Variants in ATP2B4 observed in about 807,000 individuals in gnomAD.
ATP2B4 encodes ATPase plasma membrane Ca2+ transporting 4.
A neutral mutation model predicts 110.3 loss-of-function variants in ATP2B4; 39 were observed. The ratio of observed to expected loss-of-function variants is 0.35; its 90% CI spans 0.27 to 0.46. The LOEUF (loss-of-function observed/expected upper bound fraction) is 0.46. Ranked by LOEUF, ATP2B4 falls within the 20% of genes least tolerant of loss-of-function variation. The pLI is 1.00. For missense variants in ATP2B4, 1,135 were observed against 1,530.9 expected, an observed-to-expected ratio of 0.74 and a Z score of 4.32; for synonymous variants, 538 against 571.7, an observed-to-expected ratio of 0.94 and a Z score of 0.84.
Position 203,739,566 on chromosome 1 carries a change from C to A in ATP2B4, c.3330C>A (p.Phe1110Leu). 1 of 1,613,974 alleles carries A rather than the reference C, an allele frequency of 6.2e-7. No individual in the cohort carries two copies. Among genetic ancestry groups the A allele is most frequent in the South Asian group, 1.1e-5 (1 of 91,054 alleles). ...IQTQIKVVKA[F>L]HSSLHESIQK... is the part of the protein sequence containing the mutation. ...TATAGATCAAAGTGGTCAAAGCGTT[C>A]CATAGTTCCCTCCACGAAAGCATTC... The change falls in exon 21 of 21, where the codon TTC becomes TTA. Residue 1110 changes from phenylalanine (F) to leucine (L), a missense_variant. Coordinates refer to ENST00000357681, the MANE Select transcript of ATP2B4 (RefSeq NM_001684.5).
intron 1 of ATP2B4, among the ~76,000 whole-genome samples, chr1:203,679,130 G>A (rs140057854): frequency 1.2e-3 from 178 of 151,986 alleles, no homozygotes; most frequent in Admixed American, 2.8e-3. Flanking sequence ...GCCCCAAGCC[G>A]AATGACTAAC....
At chr1:203,660,494 A>C (rs1447753886) in intron 1 of ATP2B4, among the ~76,000 whole-genome samples, 1 of 150,914 alleles carries the variant, frequency 6.6e-6, no homozygotes, top group African/African-American at 2.4e-5. Context: ...CAGTAAGAAG[A>C]GAACGGAGGT....
chr1:203,708,896 C>T (rs1665924416), intron 10 of ATP2B4, among the ~76,000 whole-genome samples: 1 of 152,060 alleles, frequency 6.6e-6, no homozygotes, highest in African/African-American at 2.4e-5. Context: ...GTGGCTCATG[C>T]CTGTAATCCC....
chr1:203,690,467 G>A (rs1261422527), intron 2 of ATP2B4, among the ~76,000 whole-genome samples: 1 of 152,166 alleles, frequency 6.6e-6, no homozygotes, highest in African/African-American at 2.4e-5. Context: ...CCCCCGCTTA[G>A]AGACCGCTGC....
rs1664348029 is a variant in ATP2B4, at chr1:203,661,878, C to T, written c.-464-20864C>T. 5.3e-5 allele frequency among the ~76,000 whole-genome samples: 8 copies of T among 152,150 alleles called. No homozygotes were observed. In the South Asian group the frequency reaches 1.7e-3, roughly 32 times the overall value. On this transcript the variant is annotated intron_variant, in intron 1 of 20. Transcript: ENST00000357681. ...ACTCTCGGTGACAGCAGCTGCTGGT[C>T]CACATCTGGAATTTAGCTCTGCTCT...
chr1:203,715,047 C>T (rs1666121250), intron 15 of ATP2B4, among the ~76,000 whole-genome samples: 1 of 152,098 alleles, frequency 6.6e-6, no homozygotes, highest in South Asian at 2.1e-4. Context: ...GATTCCCCCC[C>T]ATTTACATCC....
intron 1 of ATP2B4, among the ~76,000 whole-genome samples, chr1:203,671,640 C>T (rs1234498131): frequency 3.3e-5 from 5 of 152,236 alleles, no homozygotes; most frequent in Non-Finnish European, 2.9e-5. Flanking sequence ...GTGCCCGAGA[C>T]ATATGTGTCT....
intron 1 of ATP2B4, among the ~76,000 whole-genome samples, chr1:203,670,729 T>C (rs1173729777): frequency 1.3e-5 from 2 of 152,218 alleles, no homozygotes; most frequent in African/African-American, 4.8e-5. Flanking sequence ...AAGACTGATT[T>C]TTATCCCAAG....
Position 203,704,467 on chromosome 1 carries a change from C to CTTTTT in ATP2B4, c.1099+681_1099+685dup, listed in dbSNP as rs35019828. 3.4e-3 allele frequency among the ~76,000 whole-genome samples: 231 copies of CTTTTT among 68,794 alleles called. 40 individuals are homozygous for CTTTTT. Among genetic ancestry groups the CTTTTT allele is most frequent in the African/African-American group, 9.6e-3 (140 of 14,532 alleles). The allele number at this position is 68,794 out of a possible 152,430, so 45.1% of individuals were successfully genotyped here. A position where few individuals can be genotyped will look rare whatever the true frequency, so the allele number is the denominator to read the frequency against. On this transcript the variant is annotated intron_variant, in intron 8 of 20. Transcript: ENST00000357681. ...GTGGACATATCTCTCAAGGAACAGT[C>CTTTTT]TTTTTTTTTTTTTTTTTTTTTTTTT...
chr1:203,695,087 T>C lies in ATP2B4; in HGVS notation c.194-3070T>C, dbSNP rs1419497764. Among the ~76,000 whole-genome samples the C allele has an allele frequency of 2.0e-5, 3 of 152,188 alleles. No homozygotes were observed. The South Asian group carries it at 6.2e-4, about 32-fold the overall frequency. ...TTGGGGTGCACCTTATGATCTTTAATATCTGATGTCTTGGTTTGCCCTCAT... is the reference window on the plus strand; with the variant it reads ...TTGGGGTGCACCTTATGATCTTTAACATCTGATGTCTTGGTTTGCCCTCAT... On this transcript the variant is annotated intron_variant, in intron 2 of 20. Coordinates refer to ENST00000357681, the MANE Select transcript of ATP2B4 (RefSeq NM_001684.5).
chr1:203,733,475 A>G (rs1468035652), intron 20 of ATP2B4: 5 of 1,354,522 alleles, frequency 3.7e-6, no homozygotes, highest in East Asian at 2.6e-5. Flanking sequence ...ACTTTAACCA[A>G]CCATGGTTAT....
chr1:203,657,717 C>A, intron 1 of ATP2B4: 1 of 749,020 alleles, frequency 1.3e-6, no homozygotes, highest in Admixed American at 1.9e-5. Flanking sequence ...CAAACGGTAT[C>A]CATAGTGTTT....
At chr1:203,647,843 GAGCC>G (rs999229655) in intron 1 of ATP2B4, among the ~76,000 whole-genome samples, 58 of 152,282 alleles carry the variant, frequency 3.8e-4, no homozygotes, top group African/African-American at 1.3e-3. Context: ...TGACCACCTG[GAGCC>G]AGCCTAGGTG....
chr1:203,701,835 C>T lies in ATP2B4; in HGVS notation c.902-209C>T, dbSNP rs138733394. 8.7e-3 allele frequency among the ~76,000 whole-genome samples: 1,317 copies of T among 152,252 alleles called. 13 individuals are homozygous for T. Among genetic ancestry groups the T allele is most frequent in the Non-Finnish European group, 0.013 (896 of 68,024 alleles). On this transcript the variant is annotated intron_variant, in intron 6 of 20. Coordinates refer to ENST00000357681, the MANE Select transcript of ATP2B4 (RefSeq NM_001684.5). The stretch of plus-strand genomic sequence containing the variant: ...ATGAGTATGCACTCACCTACATGAG[C>T]GTTTTGGTGGATATCCCGAGGATTC...
intron 1 of ATP2B4, among the ~76,000 whole-genome samples, chr1:203,667,910 C>G (rs1664554836): frequency 6.6e-6 from 1 of 152,218 alleles, no homozygotes; most frequent in Non-Finnish European, 1.5e-5. Context: ...TGATGAAGAT[C>G]TTGCTAATTT....
Position 203,742,773 on chromosome 1 carries a change from G to T in ATP2B4, c.*2919G>T, listed in dbSNP as rs1370655494. 2 of 152,148 alleles carry T rather than the reference G, an allele frequency of 1.3e-5. No homozygotes were observed. Among genetic ancestry groups the T allele is most frequent in the African/African-American group, 4.8e-5 (2 of 41,412 alleles). The allele number at this position is 152,148 out of a possible 1,614,324, so 9.4% of individuals were successfully genotyped here. A position where few individuals can be genotyped will look rare whatever the true frequency, so the allele number is the denominator to read the frequency against. ...GTATAAAAGACACGAATATCTCCTG[G>T]TCTATAAGGATACTCTGATTTGGGG... On this transcript the variant is annotated 3_prime_UTR_variant, in exon 21 of 21. Transcript: ENST00000357681.
At chr1:203,632,348 A>T (rs1473678370) in intron 1 of ATP2B4, among the ~76,000 whole-genome samples, 2 of 142,624 alleles carry the variant, frequency 1.4e-5, no homozygotes, top group Non-Finnish European at 3.1e-5. Flanking sequence ...GAAGTAAGAA[A>T]TTTTTTTTTT....
intron 15 of ATP2B4, among the ~76,000 whole-genome samples, chr1:203,719,698 G>A (rs1361592835): frequency 6.8e-6 from 1 of 146,856 alleles, no homozygotes; most frequent in Admixed American, 6.7e-5. Context: ...CTGGGCAACA[G>A]AGGGAGACTC....
intron 1 of ATP2B4, among the ~76,000 whole-genome samples, chr1:203,666,282 C>T (rs1337186867): frequency 6.7e-6 from 1 of 150,182 alleles, no homozygotes; most frequent in Non-Finnish European, 1.5e-5. Flanking sequence ...CAGCTGACAG[C>T]TCCTGCTGGG....
Sources: gnomAD v4.1 joint callset for allele counts (sites outside exome capture counted in the v4.1 genomes callset) on GRCh38, gnomAD v4.1.1 for gene constraint, MANE v1.5 for transcripts, NCBI Gene and HGNC (gene_info 2026-07-23, HGNC 2026-07-21) for gene names.